The following NOL4 variants were observed in gnomAD, a reference collection of about 807,000 sequenced individuals.
NOL4 encodes the protein nucleolar protein 4, also known as cancer/testis antigen 125.
NOL4 carries 17 observed loss-of-function variants against 75.9 expected under a neutral mutation model. The ratio of observed to expected loss-of-function variants is 0.22; its 90% CI spans 0.15 to 0.34. The LOEUF (loss-of-function observed/expected upper bound fraction) is 0.34. Among genes scored for constraint, NOL4 ranks in the 10% least tolerant of loss-of-function variants. The probability of loss-of-function intolerance (pLI) is 1.00; values close to 1 mark genes in which losing one functional copy is unlikely to be tolerated. For missense variants in NOL4, 614 were observed against 793.5 expected (o/e 0.77, Z 2.72); for synonymous variants, 292 against 289.9 (o/e 1.01, Z -0.07).
chr18:33,977,280 C>T (rs1341696163), intron 6 of NOL4, among the ~76,000 whole-genome samples: 1 of 152,100 alleles, frequency 6.6e-6, no homozygotes, highest in African/African-American at 2.4e-5. Flanking sequence ...TGTGTCCCCA[C>T]CCAAATCTCA....
intron 5 of NOL4, among the ~76,000 whole-genome samples, chr18:34,088,129 TTTACA>T (rs1036771455): frequency 1.3e-5 from 2 of 151,966 alleles, no homozygotes; most frequent in Non-Finnish European, 2.9e-5. Context: ...ATATCAATAG[TTTACA>T]TTAAAGTGTT....
At chr18:34,117,538 T>C (rs1305870984) in intron 2 of NOL4, among the ~76,000 whole-genome samples, 1 of 152,228 alleles carries the variant, frequency 6.6e-6, no homozygotes, top group Non-Finnish European at 1.5e-5. Flanking sequence ...AGTCAAGCAC[T>C]CTGTACCTTG....
At chr18:34,122,265 G>C (rs1375328578) in intron 2 of NOL4, among the ~76,000 whole-genome samples, 1 of 152,100 alleles carries the variant, frequency 6.6e-6, no homozygotes, top group Non-Finnish European at 1.5e-5. Context: ...GTAAAAGCTG[G>C]TTCTTTACTT....
chr18:34,112,998 T>A (rs2079674232), intron 2 of NOL4, among the ~76,000 whole-genome samples: 1 of 152,136 alleles, frequency 6.6e-6, no homozygotes, highest in African/African-American at 2.4e-5. Flanking sequence ...CAAGACAGGG[T>A]CACAGGGTCT....
At chr18:33,899,802 A>T (rs1273382056) in intron 9 of NOL4, among the ~76,000 whole-genome samples, 1 of 152,042 alleles carries the variant, frequency 6.6e-6, no homozygotes, top group Non-Finnish European at 1.5e-5. Context: ...TTGGACTTGT[A>T]TCTGATTTGA....
chr18:33,988,627 GA>G (rs1356767496), intron 6 of NOL4, among the ~76,000 whole-genome samples: 1 of 152,006 alleles, frequency 6.6e-6, no homozygotes. Flanking sequence ...CAGTATAGAT[GA>G]TGTAGATTGA....
chr18:33,892,571 G>C (rs2144841773), intron 9 of NOL4, among the ~76,000 whole-genome samples: 1 of 152,174 alleles, frequency 6.6e-6, no homozygotes, highest in South Asian at 2.1e-4. Flanking sequence ...AATGCTACAA[G>C]GCTTCACATC....
At chr18:34,050,497 T>C (rs2076582426) in intron 5 of NOL4, among the ~76,000 whole-genome samples, 1 of 152,120 alleles carries the variant, frequency 6.6e-6, no homozygotes, top group African/African-American at 2.4e-5. Context: ...TCATATTATA[T>C]ATTGTCTAGC....
intron 2 of NOL4, chr18:34,121,297 A>G (rs1344000579): frequency 6.6e-6 from 1 of 152,142 alleles, no homozygotes. Context: ...AATATGATAC[A>G]TTTATATTTC....
intron 1 of NOL4, among the ~76,000 whole-genome samples, chr18:34,211,970 G>T (rs1027258918): frequency 6.6e-6 from 1 of 151,886 alleles, no homozygotes; most frequent in African/African-American, 2.4e-5. Flanking sequence ...TTATAGAATG[G>T]TTATTTCTAA....
At chr18:34,124,990 A>T (rs1455873333) in intron 2 of NOL4, among the ~76,000 whole-genome samples, 1 of 152,066 alleles carries the variant, frequency 6.6e-6, no homozygotes, top group Non-Finnish European at 1.5e-5. Context: ...TTTTCTTTCT[A>T]TCTCACTCCT....
At chr18:34,100,128 T>A (rs533775061) in intron 4 of NOL4, among the ~76,000 whole-genome samples, 1 of 152,002 alleles carries the variant, frequency 6.6e-6, no homozygotes, top group Non-Finnish European at 1.5e-5. Context: ...CCTACCTCTA[T>A]CTGATCCCTC....
At chr18:34,077,568 T>C (rs1347798372) in intron 5 of NOL4, among the ~76,000 whole-genome samples, 2 of 152,058 alleles carry the variant, frequency 1.3e-5, no homozygotes, top group Non-Finnish European at 2.9e-5. Context: ...TAAATATAAG[T>C]CATAATATAG....
intron 1 of NOL4, among the ~76,000 whole-genome samples, chr18:34,213,382 C>T (rs1179404255): frequency 1.3e-5 from 2 of 152,152 alleles, no homozygotes; most frequent in South Asian, 2.1e-4. Context: ...CTCCGCCTCC[C>T]GGCTTCAAGC....
intron 1 of NOL4, among the ~76,000 whole-genome samples, chr18:34,136,507 AT>A (rs2080898357): frequency 6.6e-6 from 1 of 152,180 alleles, no homozygotes; most frequent in East Asian, 1.9e-4. Context: ...TCCAGTCAAT[AT>A]TAAAAATCAA....
chr18:33,892,087 A>G (rs2065127653), intron 9 of NOL4, among the ~76,000 whole-genome samples: 1 of 152,114 alleles, frequency 6.6e-6, no homozygotes, highest in African/African-American at 2.4e-5. Flanking sequence ...TGACATAAAA[A>G]TTAAATATCC....
intron 9 of NOL4, among the ~76,000 whole-genome samples, chr18:33,922,255 A>G (rs951316196): frequency 2.0e-5 from 3 of 152,184 alleles, no homozygotes; most frequent in African/African-American, 7.2e-5. Flanking sequence ...AAATTTTGTA[A>G]CAGTTTCAAG....
At chr18:34,204,608 G>T (rs558950989) in intron 1 of NOL4, among the ~76,000 whole-genome samples, 10 of 152,176 alleles carry the variant, frequency 6.6e-5, no homozygotes, top group African/African-American at 2.2e-4. Flanking sequence ...AGCCAGCTGG[G>T]TTCTAATTCA....
At chr18:34,023,776 G>T (rs892215143) in intron 5 of NOL4, 1 of 239,672 alleles carries the variant, frequency 4.2e-6, no homozygotes, top group African/African-American at 2.2e-5. Context: ...TGGATTTAGT[G>T]TTGGAGAATT....
Sources: gnomAD v4.1 joint callset for allele counts (sites outside exome capture counted in the v4.1 genomes callset) on GRCh38, gnomAD v4.1.1 for gene constraint, MANE v1.5 for transcripts, NCBI Gene and HGNC (gene_info 2026-07-23, HGNC 2026-07-21) for gene names.